The following ANKS1B variants were observed in gnomAD, a reference collection of about 807,000 sequenced individuals.
ANKS1B encodes ankyrin repeat and sterile alpha motif domain containing 1B.
ANKS1B carries 36 observed loss-of-function variants against 148.3 expected under a neutral mutation model. The observed-to-expected ratio is 0.24, with a 90% CI of 0.19 to 0.32. The LOEUF (loss-of-function observed/expected upper bound fraction) is 0.32. Ranked by LOEUF, ANKS1B falls within the 10% of genes least tolerant of loss-of-function variation. ANKS1B has a pLI of 1.00. For missense variants in ANKS1B, 1,157 were observed against 1,542.6 expected (o/e 0.75, Z 4.19); for synonymous variants, 542 against 560.8 (o/e 0.97, Z 0.47).
rs375187084 is a variant in ANKS1B, at chr12:99,648,747, A to G, written c.1272+6320T>C. On this transcript the variant is annotated intron_variant, in intron 9 of 26. Transcript: ENST00000683438. Reference sequence around the variant, plus strand: ...CCAGGGCTATCCTAGCTGGGAACACATTGGACTCATCTGTGTTGGAGGAAG... The same window carrying G: ...CCAGGGCTATCCTAGCTGGGAACACGTTGGACTCATCTGTGTTGGAGGAAG... 3.2e-5 allele frequency: 51 copies of G among 1,613,594 alleles called. No homozygotes were observed. In the African/African-American group the frequency reaches 4.3e-4, roughly 14 times the overall value.
chr12:99,214,947 T>G (rs2153925892), intron 14 of ANKS1B, among the ~76,000 whole-genome samples: 1 of 152,312 alleles, frequency 6.6e-6, no homozygotes, highest in South Asian at 2.1e-4. Flanking sequence ...TAGTGGCATT[T>G]TGCCCCTGTC....
chr12:99,190,676 C>G (rs1452705313), intron 14 of ANKS1B, among the ~76,000 whole-genome samples: 1 of 152,096 alleles, frequency 6.6e-6, no homozygotes, highest in Non-Finnish European at 1.5e-5. Flanking sequence ...TTCCTTACAC[C>G]TTATACAAAA....
At chr12:98,828,900 T>C (rs2099272443) in intron 19 of ANKS1B, among the ~76,000 whole-genome samples, 1 of 152,206 alleles carries the variant, frequency 6.6e-6, no homozygotes. Flanking sequence ...TGACACTATA[T>C]TATTCCCTTC....
intron 12 of ANKS1B, among the ~76,000 whole-genome samples, chr12:99,284,233 C>T (rs984059099): frequency 6.6e-6 from 1 of 152,142 alleles, no homozygotes; most frequent in Non-Finnish European, 1.5e-5. Flanking sequence ...CTTCCCCACC[C>T]CAACCCAGTT....
intron 25 of ANKS1B, among the ~76,000 whole-genome samples, chr12:98,772,647 C>T (rs2098602338): frequency 6.6e-6 from 1 of 152,104 alleles, no homozygotes; most frequent in Admixed American, 6.5e-5. Context: ...AGACCCACCC[C>T]CACGATTCAA....
At chr12:99,272,067 C>T (rs1312273324) in intron 12 of ANKS1B, among the ~76,000 whole-genome samples, 7 of 151,912 alleles carry the variant, frequency 4.6e-5, no homozygotes, top group Non-Finnish European at 8.8e-5. Flanking sequence ...GCAAAAGGGG[C>T]CAGGGCAAAC....
At chr12:99,052,973 T>C (rs2099967255) in intron 17 of ANKS1B, among the ~76,000 whole-genome samples, 184 bp downstream of exon 17, 1 of 152,116 alleles carries the variant, frequency 6.6e-6, no homozygotes, top group African/African-American at 2.4e-5. Flanking sequence ...TCTCTTTACC[T>C]CTTAGTTCCC....
chr12:99,431,348 T>C (rs1254483023), intron 11 of ANKS1B, among the ~76,000 whole-genome samples: 1 of 152,228 alleles, frequency 6.6e-6, no homozygotes, highest in African/African-American at 2.4e-5. Context: ...ATGGCATATT[T>C]ATTGCTGAGT....
chr12:99,182,510 G>A (rs995669141), intron 14 of ANKS1B, among the ~76,000 whole-genome samples: 1 of 151,880 alleles, frequency 6.6e-6, no homozygotes, highest in African/African-American at 2.4e-5. Context: ...TCTTTTTATG[G>A]CTGAATAGTA....
chr12:99,193,793 C>CTT (rs34024548), intron 14 of ANKS1B, among the ~76,000 whole-genome samples: 1,379 of 66,858 alleles, frequency 0.021, 333 homozygotes, highest in Admixed American at 0.035. Flanking sequence ...ATTTCTAGTT[C>CTT]TTTTTTTTTT....
At chr12:99,183,545 A>G (rs2079404503) in intron 14 of ANKS1B, among the ~76,000 whole-genome samples, 2 of 152,194 alleles carry the variant, frequency 1.3e-5, no homozygotes. Flanking sequence ...TGGGAGGCTG[A>G]GGCAGGAGCA....
chr12:99,803,882 C>T (rs756179060), intron 4 of ANKS1B, among the ~76,000 whole-genome samples: 3 of 152,134 alleles, frequency 2.0e-5, no homozygotes, highest in Non-Finnish European at 4.4e-5. Context: ...ATCCACAGCT[C>T]TTTGTTTTAG....
Position 99,134,641 on chromosome 12 carries a change from TCTCTCACACA to T in ANKS1B, c.2526+19638_2526+19647del, listed in dbSNP as rs1356740833. 6.7e-4 allele frequency among the ~76,000 whole-genome samples: 55 copies of T among 81,752 alleles called. 1 individual carries two copies. The South Asian group carries it at 0.016, about 23-fold the overall frequency. The allele number at this position is 81,752 out of a possible 152,430, so 53.6% of individuals were successfully genotyped here. Reference sequence around the variant, plus strand: ...CTATCCCTTTCTGTCTCTCTCTCTCTCTCTCACACACACACACACACACACACACACACAC... The same window carrying T: ...CTATCCCTTTCTGTCTCTCTCTCTCTCACACACACACACACACACACACAC... On this transcript the variant is annotated intron_variant, in intron 15 of 26. Coordinates refer to ENST00000683438, the MANE Select transcript of ANKS1B (RefSeq NM_001352186.2).
At chr12:99,107,277 C>T (rs1173645981) in intron 15 of ANKS1B, among the ~76,000 whole-genome samples, 1 of 152,088 alleles carries the variant, frequency 6.6e-6, no homozygotes, top group East Asian at 1.9e-4. Context: ...AGGGGAGCAG[C>T]TACACCCTCA....
intron 9 of ANKS1B, among the ~76,000 whole-genome samples, chr12:99,510,214 T>C (rs73147351): frequency 1.4e-4 from 21 of 152,142 alleles, no homozygotes; most frequent in Non-Finnish European, 2.4e-4. Context: ...CAGCATGTAT[T>C]CTCCAGCCCA....
chr12:99,979,934 T>G (rs574741637), intron 1 of ANKS1B, among the ~76,000 whole-genome samples: 1 of 151,994 alleles, frequency 6.6e-6, no homozygotes, highest in East Asian at 1.9e-4. Context: ...ATTTAGGTTA[T>G]AGAAAACATG....
chr12:99,916,721 A>G (rs924989929), intron 1 of ANKS1B, among the ~76,000 whole-genome samples: 6 of 152,218 alleles, frequency 3.9e-5, no homozygotes, highest in African/African-American at 1.4e-4. Context: ...CCTGCAAAAA[A>G]ACCATACGGC....
intron 8 of ANKS1B, among the ~76,000 whole-genome samples, chr12:99,744,488 A>G (rs1329560358): frequency 6.6e-6 from 1 of 152,204 alleles, no homozygotes; most frequent in African/African-American, 2.4e-5. Context: ...CTTCCTCTGC[A>G]TTCAGATTAA....
intron 9 of ANKS1B, among the ~76,000 whole-genome samples, chr12:99,618,259 A>G (rs2097996579): frequency 6.6e-6 from 1 of 152,170 alleles, no homozygotes; most frequent in African/African-American, 2.4e-5. Flanking sequence ...TTGTATGTAT[A>G]AGGACAAAAC....
Sources: gnomAD v4.1 joint callset for allele counts (sites outside exome capture counted in the v4.1 genomes callset) on GRCh38, gnomAD v4.1.1 for gene constraint, MANE v1.5 for transcripts, NCBI Gene and HGNC (gene_info 2026-07-23, HGNC 2026-07-21) for gene names.